The following UBE3C variants were observed in gnomAD, a reference collection of about 807,000 sequenced individuals.
UBE3C encodes the protein ubiquitin protein ligase E3C, also known as ubiquitin-protein ligase E3C.
Under a neutral mutation model 129.4 loss-of-function variants are expected in UBE3C, and 42 were observed. The observed-to-expected ratio is 0.32, with a 90% CI of 0.25 to 0.42. The LOEUF is 0.42. UBE3C is among the 10% of genes least tolerant of loss of function. UBE3C has a pLI of 1.00. For missense variants in UBE3C, 1,049 were observed against 1,319.1 expected, an observed-to-expected ratio of 0.80 and a Z score of 3.17; for synonymous variants, 510 against 492.4, an observed-to-expected ratio of 1.04 and a Z score of -0.47.
At chr7:157,191,309 T>C (rs1808959501) in intron 10 of UBE3C, among the ~76,000 whole-genome samples, 1 of 152,228 alleles carries the variant, frequency 6.6e-6, no homozygotes, top group Admixed American at 6.5e-5. Flanking sequence ...TTTTGTTTTC[T>C]GAAACAAGGT....
intron 18 of UBE3C, among the ~76,000 whole-genome samples, chr7:157,242,241 C>A (rs963320160): frequency 9.2e-5 from 14 of 152,142 alleles, no homozygotes; most frequent in African/African-American, 3.4e-4. Context: ...AATCGGAGTT[C>A]ATGGATGCTT....
At chr7:157,155,339 G>T (rs1022857894) in intron 1 of UBE3C, among the ~76,000 whole-genome samples, 1 of 152,180 alleles carries the variant, frequency 6.6e-6, no homozygotes, top group African/African-American at 2.4e-5. Context: ...AACTGAAACA[G>T]ATGTGAAGCT....
At chr7:157,257,111 G>A in intron 22 of UBE3C, 67 bp downstream of exon 22, 1 of 1,595,248 alleles carries the variant, frequency 6.3e-7, no homozygotes. Context: ...AGAACATTCA[G>A]TAGGGTTAAA....
chr7:157,142,568 G>A (rs1014025993), intron 1 of UBE3C, among the ~76,000 whole-genome samples: 2 of 152,174 alleles, frequency 1.3e-5, no homozygotes, highest in South Asian at 2.1e-4. Flanking sequence ...TTCCAGGTTC[G>A]TGGAGCGGGG....
At chr7:157,228,539 A>T (rs1213121073) in intron 17 of UBE3C, among the ~76,000 whole-genome samples, 3 of 152,174 alleles carry the variant, frequency 2.0e-5, no homozygotes, top group Non-Finnish European at 4.4e-5. Flanking sequence ...ATTTTATTTC[A>T]TTTAATGGGC....
chr7:157,164,943 C>T (rs547529221), intron 2 of UBE3C, among the ~76,000 whole-genome samples: 2 of 152,266 alleles, frequency 1.3e-5, no homozygotes, highest in Admixed American at 6.5e-5. Flanking sequence ...CAGGATTTTC[C>T]AACCTTGGTG....
intron 22 of UBE3C, among the ~76,000 whole-genome samples, chr7:157,260,238 G>A (rs1584829691): frequency 6.6e-6 from 1 of 152,018 alleles, no homozygotes; most frequent in Non-Finnish European, 1.5e-5. Flanking sequence ...AATGAGAGAA[G>A]CCTGAATGTT....
chr7:157,161,408 T>A (rs1298354415), intron 1 of UBE3C, among the ~76,000 whole-genome samples: 1 of 152,114 alleles, frequency 6.6e-6, no homozygotes, highest in Non-Finnish European at 1.5e-5. Flanking sequence ...TTATGTGAAA[T>A]TTTCTTTGAT....
At chr7:157,178,406 G>A (rs34788888) in intron 5 of UBE3C, among the ~76,000 whole-genome samples, 6,996 of 152,212 alleles carry the variant, frequency 0.046, 216 homozygotes, top group Non-Finnish European at 0.071. Context: ...ACAGTGTTTT[G>A]TAATCTTTAA....
At chr7:157,241,615 A>C (rs1796328176) in intron 18 of UBE3C, among the ~76,000 whole-genome samples, 1 of 152,254 alleles carries the variant, frequency 6.6e-6, no homozygotes, top group African/African-American at 2.4e-5. Context: ...ATGGGAAGAT[A>C]AAATGGTGCA....
In UBE3C at chr7:157,207,318, T is replaced by A. The variant is rs1011525291; in HGVS notation, c.1419-80T>A. 2.0e-6 allele frequency: 3 copies of A among 1,533,938 alleles called. No individual in the cohort carries two copies. The African/African-American group carries it at 4.2e-5, about 21-fold the overall frequency. On this transcript the variant is annotated intron_variant, in intron 11 of 22. Coordinates refer to ENST00000348165, the MANE Select transcript of UBE3C (RefSeq NM_014671.3). ...GTTACTTTCCCTGATTATATTTGTTTGATGTTATGTTTTAATTAGTTCCCA... is the reference window on the plus strand; with the variant it reads ...GTTACTTTCCCTGATTATATTTGTTAGATGTTATGTTTTAATTAGTTCCCA...
chr7:157,142,874 A>T (rs7809255), intron 1 of UBE3C, among the ~76,000 whole-genome samples: 1,904 of 145,674 alleles, frequency 0.013, 39 homozygotes, highest in African/African-American at 0.046. Flanking sequence ...TTTTTTTGAG[A>T]TGGAGTTTCG....
chr7:157,176,508 C>G (rs1041793309), intron 5 of UBE3C, among the ~76,000 whole-genome samples: 4 of 152,236 alleles, frequency 2.6e-5, no homozygotes, highest in Non-Finnish European at 4.4e-5. Flanking sequence ...CTCCTGACCT[C>G]AGGTCATCCG....
chr7:157,168,741 C>T (rs940023077), intron 2 of UBE3C, among the ~76,000 whole-genome samples: 1 of 152,154 alleles, frequency 6.6e-6, no homozygotes, highest in African/African-American at 2.4e-5. Flanking sequence ...AGAATAAGCA[C>T]ATCCATAAGA....
At chr7:157,142,068 C>A (rs769579536) in intron 1 of UBE3C, among the ~76,000 whole-genome samples, 3 of 152,124 alleles carry the variant, frequency 2.0e-5, no homozygotes, top group South Asian at 4.1e-4. Flanking sequence ...TATTGCAAGT[C>A]CTTTAATTTT....
intron 10 of UBE3C, among the ~76,000 whole-genome samples, chr7:157,190,687 C>T (rs1808936083): frequency 6.6e-6 from 1 of 152,162 alleles, no homozygotes; most frequent in African/African-American, 2.4e-5. Context: ...CTGATTATTG[C>T]ATTCTCTTGA....
At chr7:157,212,644 A>G (rs944571276) in intron 13 of UBE3C, among the ~76,000 whole-genome samples, 2 of 152,222 alleles carry the variant, frequency 1.3e-5, no homozygotes, top group Admixed American at 6.5e-5. Context: ...GCAGTTATCT[A>G]CTTGATCTTT....
chr7:157,235,739 GTT>G (rs1459743233), intron 18 of UBE3C, among the ~76,000 whole-genome samples: 1 of 152,204 alleles, frequency 6.6e-6, no homozygotes, highest in East Asian at 1.9e-4. Flanking sequence ...GAGGATGGTA[GTT>G]AACTTAGTTT....
chr7:157,148,537 C>T (rs947623606), intron 1 of UBE3C, among the ~76,000 whole-genome samples: 7 of 151,890 alleles, frequency 4.6e-5, no homozygotes, highest in Non-Finnish European at 8.8e-5. Flanking sequence ...TAAAACTGCC[C>T]TCTATTATAT....
Sources: allele counts gnomAD v4.1 joint callset (sites outside exome capture counted in the v4.1 genomes callset), GRCh38; gene constraint gnomAD v4.1.1; transcripts MANE v1.5; gene names NCBI Gene and HGNC (gene_info 2026-07-23, HGNC 2026-07-21).